UBXN11: variants seen among roughly 807,000 people sequenced by gnomAD.
UBXN11 encodes the protein UBX domain-containing protein 11.
A neutral mutation model predicts 62.8 loss-of-function variants in UBXN11; 47 were observed. That is an observed-to-expected ratio of 0.75 (90% CI 0.59 to 0.95). The LOEUF (loss-of-function observed/expected upper bound fraction) is 0.95. Ranked by LOEUF, UBXN11 falls within the 40% of genes least tolerant of loss-of-function variation. The probability of loss-of-function intolerance (pLI) is 0.00; values close to 1 mark genes in which losing one functional copy is unlikely to be tolerated. For missense variants in UBXN11, 638 were observed against 661.7 expected (o/e 0.96, Z 0.39); for synonymous variants, 294 against 267.0 (o/e 1.10, Z -0.99).
intron 1 of UBXN11, chr1:26,317,890 C>T (rs1341514768): frequency 1.3e-6 from 1 of 774,160 alleles, no homozygotes; most frequent in East Asian, 2.5e-5. Context: ...AGCCCTCCTT[C>T]CTCTCCCTAC....
At chr1:26,300,817 C>T in intron 4 of UBXN11, 109 bp downstream of exon 4, 1 of 1,550,652 alleles carries the variant, frequency 6.4e-7, no homozygotes, top group Non-Finnish European at 8.7e-7. Context: ...GAAGCAGCTG[C>T]CTCAGACCAA....
chr1:26,309,225 G>A (rs10902737), upstream of UBXN11, among the ~76,000 whole-genome samples: 76,794 of 143,706 alleles, frequency 0.53, 21,206 homozygotes, highest in Non-Finnish European at 0.64. Context: ...GAGCCACTGC[G>A]CCCTGTCCCG....
upstream of UBXN11, among the ~76,000 whole-genome samples, chr1:26,308,935 A>ATTTTTT (rs57323315): frequency 8.3e-5 from 9 of 108,248 alleles, no homozygotes; most frequent in African/African-American, 2.9e-4. Flanking sequence ...CAGTCGTTTG[A>ATTTTTT]TTTTTTTTTT....
rs201181248 is a variant in UBXN11 at position 26,315,958 on chromosome 1, GC to G, written c.-149+2088del. 3.2e-3 allele frequency among the ~76,000 whole-genome samples: 168 copies of G among 53,064 alleles called. 2 individuals carry two copies. Among genetic ancestry groups the G allele is most frequent in the South Asian group, 4.7e-3 (8 of 1,712 alleles). 34.8% of individuals were successfully genotyped at this position (53,064 alleles called of 152,430 possible). A position where few individuals can be genotyped will look rare whatever the true frequency, so the allele number is the denominator to read the frequency against. ...TACAGGCGTGAGCCACTGTTTCCTG[GC>G]CTTTTTTTTTTTTTTTTTGAGACAG... On this transcript the variant is annotated intron_variant, in intron 1 of 14. Coordinates refer to the UBXN11 transcript ENST00000374217.
intron 8 of UBXN11, among the ~76,000 whole-genome samples, chr1:26,291,390 T>C (rs1310819470): frequency 6.6e-6 from 1 of 151,840 alleles, no homozygotes. Context: ...GCTGAAAAAA[T>C]CAAAGAACAA....
In UBXN11 at chr1:26,284,239, C is replaced by G. The variant is rs1450875959; in HGVS notation, c.980G>C (p.Arg327Thr). 1 of 1,611,944 alleles carries G rather than the reference C, an allele frequency of 6.2e-7. No individual in the cohort carries two copies. Among genetic ancestry groups the G allele is most frequent in the Non-Finnish European group, 8.5e-7 (1 of 1,178,836 alleles). The change falls in exon 12 of 15, where the codon AGG becomes ACG. Residue 327 changes from arginine (R) to threonine (T), a missense_variant. Coordinates refer to ENST00000374222, the MANE Select transcript of UBXN11 (RefSeq NM_001389556.1). Reference sequence around the variant, plus strand: ...GTTCAGAAATTTCTCAGCAGTCATCCTGGAGCCTACAGGCAGAGTTGGGAA... The same window carrying G: ...GTTCAGAAATTTCTCAGCAGTCATCGTGGAGCCTACAGGCAGAGTTGGGAA... The part of the protein sequence containing the change: ...LDRVEEHPGS[R>T]MTAEKFLNRL...
At chr1:26,283,022 CAGGG>C (rs1264541747) in intron 12 of UBXN11, 85 bp from the exon 13 acceptor site, 1 of 1,567,528 alleles carries the variant, frequency 6.4e-7, no homozygotes, top group African/African-American at 1.4e-5. Context: ...CTTCCTTGAC[CAGGG>C]ACAGATGAGA....
At position 26,289,991 on chromosome 1, in the gene UBXN11, G is replaced by A. The variant is rs116644819; in HGVS notation, c.560-3954C>T. ...AGGAGGCCCTGCAGGTCTGGTCCCC[G>A]CCAGAACACTCAACCAGCCTGTGGA... is the stretch of plus-strand genomic sequence containing the variant. On this transcript the variant is annotated intron_variant, in intron 8 of 14. Transcript: ENST00000374222. 2.1e-3 allele frequency among the ~76,000 whole-genome samples: 316 copies of A among 152,334 alleles called. 2 individuals are homozygous for A. Among genetic ancestry groups the A allele is most frequent in the African/African-American group, 6.5e-3 (269 of 41,572 alleles).
chr1:26,307,610 G>C (rs988842894), upstream of UBXN11, among the ~76,000 whole-genome samples: 1 of 140,248 alleles, frequency 7.1e-6, no homozygotes, highest in Non-Finnish European at 1.5e-5. Context: ...CAACCCAAGA[G>C]TGTTTTTCTG....
rs765061072 is a variant in UBXN11, at chr1:26,297,929, C to T, written c.300+33G>A. Reference sequence around the variant, plus strand: ...AGCCCAGTCCCTCCACCTCTCAGACCGGCCCCTGGCCCTCTCCCACCTGGA... The same window carrying T: ...AGCCCAGTCCCTCCACCTCTCAGACTGGCCCCTGGCCCTCTCCCACCTGGA... On this transcript the variant is annotated intron_variant, in intron 5 of 14. Transcript: ENST00000374222. 1.6e-5 allele frequency: 25 copies of T among 1,605,286 alleles called. No homozygotes were observed. In the Admixed American group the frequency reaches 1.7e-4, roughly 11 times the overall value.
chr1:26,306,933 T>A (rs532774964), upstream of UBXN11: 4 of 150,866 alleles, frequency 2.7e-5, no homozygotes, highest in South Asian at 8.4e-4. Context: ...CCTGAATGTG[T>A]GATCCCGACA....
At chr1:26,310,996 G>T (rs1210249029), upstream of UBXN11, among the ~76,000 whole-genome samples, 1 of 152,094 alleles carries the variant, frequency 6.6e-6, no homozygotes, top group Non-Finnish European at 1.5e-5. Flanking sequence ...TCCAGTGGTG[G>T]ATATTCAGTC....
intron 1 of UBXN11, among the ~76,000 whole-genome samples, chr1:26,314,027 G>A (rs1268085747): frequency 6.6e-6 from 1 of 152,002 alleles, no homozygotes; most frequent in Admixed American, 6.6e-5. Context: ...TGATCGACTC[G>A]CCTCGGCCTC....
rs1400732031 is a variant in UBXN11, at chr1:26,284,291, G to A, written c.974-46C>T. 13 of 1,609,946 alleles carry A rather than the reference G, an allele frequency of 8.1e-6. No individual in the cohort carries two copies. The Admixed American group carries it at 1.9e-4, about 23-fold the overall frequency. On this transcript the variant is annotated intron_variant, in intron 11 of 14. Transcript: ENST00000374222. ...CGGGGCCCAGGAAGGACTATGAGTG[G>A]TGGTGGAGCCCCCCTGGAGTTTGTT...
At chr1:26,317,376 C>T (rs1208610892) in intron 1 of UBXN11, among the ~76,000 whole-genome samples, 1 of 152,096 alleles carries the variant, frequency 6.6e-6, no homozygotes, top group African/African-American at 2.4e-5. Context: ...CTTCCCGATT[C>T]CTCACCTCCA....
rs151118025 is a variant in UBXN11, at chr1:26,282,878, G to C, written c.1137C>G (p.Ala379=). 6.2e-7 allele frequency: 1 copy of C among 1,614,126 alleles called. No individual in the cohort carries two copies. Among genetic ancestry groups the C allele is most frequent in the African/African-American group, 1.3e-5 (1 of 75,032 alleles). The change falls in exon 13 of 15, where the codon GCC becomes GCG. Residue 379 remains alanine (A), a synonymous_variant. Transcript: ENST00000374222. ...CCCGCCCTCACCTCTCTCGCTCAGC[G>C]GCCAAGGTGGGCGTCTCCACCACAA... ...QEIVVETPTL[A]AERERSQESP...
At chr1:26,316,355 A>G (rs967997750) in intron 1 of UBXN11, among the ~76,000 whole-genome samples, 1 of 151,658 alleles carries the variant, frequency 6.6e-6, no homozygotes, top group Admixed American at 6.6e-5. Flanking sequence ...AAGTGAGGGG[A>G]GTTTTCCCTT....
rs1192871265 is a variant in UBXN11 at position 26,295,192 on chromosome 1, C to G, written c.433-861G>C. Among the ~76,000 whole-genome samples, 3 of 151,952 alleles carry G rather than the reference C, an allele frequency of 2.0e-5. No homozygotes were observed. In the East Asian group the frequency reaches 5.8e-4, roughly 29 times the overall value. On this transcript the variant is annotated intron_variant, in intron 7 of 14. Transcript: ENST00000374222. The stretch of plus-strand genomic sequence containing the variant: ...GGTTTTCCTGTCTCCAGAAATGGCA[C>G]CCCCTCCACCTGAGAATCCTCTGTC...
intron 1 of UBXN11, among the ~76,000 whole-genome samples, chr1:26,316,752 G>A (rs2073799054): frequency 6.6e-6 from 1 of 152,022 alleles, no homozygotes; most frequent in Non-Finnish European, 1.5e-5. Context: ...CACTATCCAG[G>A]CAGCTGTGGG....
Sources: allele counts gnomAD v4.1 joint callset (sites outside exome capture counted in the v4.1 genomes callset), GRCh38; gene constraint gnomAD v4.1.1; transcripts MANE v1.5; gene names NCBI Gene and HGNC (gene_info 2026-07-23, HGNC 2026-07-21).